PLA2G4A: variants seen among roughly 807,000 people sequenced by gnomAD.
The protein encoded by PLA2G4A is phospholipase A2 group IVA, also known as cytosolic phospholipase A2.
Under a neutral mutation model 81.9 loss-of-function variants are expected in PLA2G4A, and 40 were observed. The ratio of observed to expected loss-of-function variants is 0.49; its 90% CI spans 0.38 to 0.64. The LOEUF (loss-of-function observed/expected upper bound fraction) is 0.64, where lower values mean the gene tolerates loss of function less well. Among genes scored for constraint, PLA2G4A ranks in the 30% least tolerant of loss-of-function variants. PLA2G4A has a pLI of 0.00. For missense variants in PLA2G4A, 715 were observed against 905.1 expected, an observed-to-expected ratio of 0.79 and a Z score of 2.69; for synonymous variants, 302 against 296.9, an observed-to-expected ratio of 1.02 and a Z score of -0.18.
chr1:186,954,065 A>G (rs945822343), intron 13 of PLA2G4A, among the ~76,000 whole-genome samples: 1 of 152,176 alleles, frequency 6.6e-6, no homozygotes, highest in African/African-American at 2.4e-5. Flanking sequence ...AGATCTCTTC[A>G]TTTACTCAGC....
intron 2 of PLA2G4A, among the ~76,000 whole-genome samples, chr1:186,859,954 A>G (rs182215684): frequency 2.8e-4 from 43 of 152,308 alleles, no homozygotes; most frequent in East Asian, 7.7e-4. Context: ...GAAAAGTTAG[A>G]TGATGAGATG....
intron 13 of PLA2G4A, among the ~76,000 whole-genome samples, chr1:186,953,159 C>T (rs1481320771): frequency 6.6e-6 from 1 of 152,156 alleles, no homozygotes; most frequent in Non-Finnish European, 1.5e-5. Context: ...TCCAAAGTGG[C>T]TGTACCATTT....
intron 15 of PLA2G4A, among the ~76,000 whole-genome samples, chr1:186,972,617 A>C (rs1329836273): frequency 6.6e-6 from 1 of 152,188 alleles, no homozygotes; most frequent in Non-Finnish European, 1.5e-5. Context: ...CATACGTTGG[A>C]CATAAATCTG....
intron 15 of PLA2G4A, among the ~76,000 whole-genome samples, chr1:186,976,250 C>T (rs992240386): frequency 3.9e-5 from 6 of 152,130 alleles, no homozygotes; most frequent in Non-Finnish European, 7.4e-5. Context: ...AATGGATCAA[C>T]GAGATGACAA....
chr1:186,932,971 G>A (rs1655809603), intron 8 of PLA2G4A, 72 bp downstream of exon 8: 5 of 1,065,656 alleles, frequency 4.7e-6, no homozygotes, highest in Non-Finnish European at 7.1e-6. Context: ...AGCACTAGAA[G>A]AGAAAAGGGG....
intron 8 of PLA2G4A, among the ~76,000 whole-genome samples, chr1:186,937,037 T>A (rs1282218311): frequency 6.6e-6 from 1 of 151,516 alleles, no homozygotes; most frequent in Non-Finnish European, 1.5e-5. Context: ...TGTTTTTTTT[T>A]TTTTATTTTT....
At chr1:186,867,624 T>C (rs757329461) in intron 2 of PLA2G4A, among the ~76,000 whole-genome samples, 1 of 152,146 alleles carries the variant, frequency 6.6e-6, no homozygotes, top group African/African-American at 2.4e-5. Context: ...GTTTTCTACA[T>C]AGACGTTCAT....
At chr1:186,955,015 AG>A (rs1185074735) in intron 13 of PLA2G4A, among the ~76,000 whole-genome samples, 1 of 152,194 alleles carries the variant, frequency 6.6e-6, no homozygotes, top group Admixed American at 6.5e-5. Flanking sequence ...AAATGGAGGA[AG>A]AGAAGGGGAA....
chr1:186,911,978 T>C (rs769223100), intron 7 of PLA2G4A, among the ~76,000 whole-genome samples: 12 of 151,940 alleles, frequency 7.9e-5, no homozygotes, highest in Non-Finnish European at 1.3e-4. Flanking sequence ...GGAGCAACAA[T>C]GTCTAAAGGC....
At chr1:186,865,609 GTT>G (rs1652996378) in intron 2 of PLA2G4A, among the ~76,000 whole-genome samples, 1 of 152,126 alleles carries the variant, frequency 6.6e-6, no homozygotes, top group Non-Finnish European at 1.5e-5. Context: ...AACAGTTTTA[GTT>G]TTAAAAATTA....
At chr1:186,829,232 C>T (rs1251990248) in intron 1 of PLA2G4A, among the ~76,000 whole-genome samples, 197 bp downstream of exon 1, 2 of 152,126 alleles carry the variant, frequency 1.3e-5, no homozygotes, top group Non-Finnish European at 2.9e-5. Context: ...TTCTTCAAAC[C>T]CACGCAGATT....
intron 2 of PLA2G4A, among the ~76,000 whole-genome samples, chr1:186,860,994 G>C (rs1277525935): frequency 6.6e-6 from 1 of 152,088 alleles, no homozygotes; most frequent in African/African-American, 2.4e-5. Context: ...GATTAATTAT[G>C]CTAGTTTGTA....
At chr1:186,876,675 A>C (rs1653513390) in intron 3 of PLA2G4A, among the ~76,000 whole-genome samples, 1 of 152,144 alleles carries the variant, frequency 6.6e-6, no homozygotes, top group Admixed American at 6.6e-5. Flanking sequence ...AGTCTTCCCC[A>C]GCGATCACGC....
chr1:186,912,805 T>A (rs1048022245), intron 7 of PLA2G4A, among the ~76,000 whole-genome samples: 37 of 145,814 alleles, frequency 2.5e-4, no homozygotes, highest in African/African-American at 9.0e-4. Flanking sequence ...TGTATATATA[T>A]ATATACATAT....
At chr1:186,933,539 G>C (rs916996186) in intron 8 of PLA2G4A, among the ~76,000 whole-genome samples, 4 of 152,002 alleles carry the variant, frequency 2.6e-5, no homozygotes, top group Admixed American at 1.3e-4. Context: ...ATACTTTTTG[G>C]TTTGCTTACC....
chr1:186,911,514 G>T, intron 7 of PLA2G4A, 125 bp downstream of exon 7: 1 of 758,238 alleles, frequency 1.3e-6, no homozygotes, highest in African/African-American at 1.7e-5. Flanking sequence ...GTTTTTTAAG[G>T]TAAGGTAAGT....
chr1:186,870,553 AT>A, intron 3 of PLA2G4A, 37 bp downstream of exon 3: 1 of 1,406,176 alleles, frequency 7.1e-7, no homozygotes, highest in Non-Finnish European at 1.0e-6. Context: ...TAAACATGTA[AT>A]TATGGTTCAG....
At chr1:186,953,381 G>T (rs1259422770) in intron 13 of PLA2G4A, among the ~76,000 whole-genome samples, 2 of 152,200 alleles carry the variant, frequency 1.3e-5, no homozygotes, top group Admixed American at 6.5e-5. Context: ...TGAGGTATCA[G>T]TTCAGGCCTT....
At chr1:186,923,202 C>G (rs1655425435) in intron 7 of PLA2G4A, among the ~76,000 whole-genome samples, 1 of 152,160 alleles carries the variant, frequency 6.6e-6, no homozygotes, top group African/African-American at 2.4e-5. Flanking sequence ...ATAATAGACT[C>G]TTGTTAGAAC....
Sources: gnomAD v4.1 joint callset for allele counts (sites outside exome capture counted in the v4.1 genomes callset) on GRCh38, gnomAD v4.1.1 for gene constraint, MANE v1.5 for transcripts, NCBI Gene and HGNC (gene_info 2026-07-23, HGNC 2026-07-21) for gene names.